The following SDSL variants were observed in gnomAD, a reference collection of about 807,000 sequenced individuals.
SDSL encodes serine dehydratase like, also known as serine dehydratase-like.
Under a neutral mutation model 27.6 loss-of-function variants are expected in SDSL, and 26 were observed. That is an observed-to-expected ratio of 0.94 (90% CI 0.69 to 1.31). SDSL has a LOEUF of 1.31. Among genes scored for constraint, SDSL ranks in the 50% most tolerant of loss-of-function variants. The pLI, the probability that SDSL is intolerant of heterozygous loss-of-function variation, is 0.00. For missense variants in SDSL, 431 were observed against 423.5 expected (o/e 1.02, Z -0.16); for synonymous variants, 196 against 180.6 (o/e 1.09, Z -0.69).
Position 113,428,025 on chromosome 12 carries a change from C to T in SDSL, c.43C>T (p.His15Tyr). Residue 15 changes from histidine to tyrosine, a missense_variant, in exon 2 of 8, where the codon CAC (histidine) becomes TAC (tyrosine). By Grantham distance (83) the His-to-Tyr change is moderately conservative (BLOSUM62 2). Coordinates refer to ENST00000403593, the MANE Select transcript of SDSL (RefSeq NM_001304993.2). Reference protein sequence around the residue: ...VAEHAKQEPFHVVTPLLESWA... With the variant: ...VAEHAKQEPFYVVTPLLESWA... ...AGAGCATGCCAAGCAGGAGCCCTTT[C>T]ACGTGGTCACACCTCTGTTGGAGAG... The T allele has an allele frequency of 6.2e-7, 1 of 1,613,738 alleles. No individual in the cohort carries two copies. The highest frequency in any genetic ancestry group is 8.5e-7 in the Non-Finnish European group (1 of 1,179,878).
chr12:113,432,278 TTCTTTCTTTCTTTCTC>T lies in SDSL; in HGVS notation c.355-1852_355-1837del, dbSNP rs1173890215. ...TTTCTTTCTTTCTTTCTTTCTTTCT[TTCTTTCTTTCTTTCTC>T]TCTCTCTCTTTCTGTCTCTCTGTCT... On this transcript the variant is annotated intron_variant, in intron 4 of 7. Transcript: ENST00000403593. 2.6e-3 allele frequency among the ~76,000 whole-genome samples: 195 copies of T among 73,624 alleles called. 5 individuals carry two copies. The highest frequency in any genetic ancestry group is 8.7e-3 in the African/African-American group (169 of 19,372). The allele number at this position is 73,624 out of a possible 152,430, so 48.3% of individuals were successfully genotyped here. A position where few individuals can be genotyped will look rare whatever the true frequency, so the allele number is the denominator to read the frequency against.
chr12:113,436,710 G>A lies in SDSL; in HGVS notation c.672-41G>A, dbSNP rs768554878. The A allele has an allele frequency of 7.8e-6, 12 of 1,532,184 alleles. No homozygotes were observed. The Admixed American group carries it at 7.9e-5, about 10-fold the overall frequency. 94.9% of individuals were successfully genotyped at this position (1,532,184 alleles called of 1,614,324 possible). A position where few individuals can be genotyped will look rare whatever the true frequency, so the allele number is the denominator to read the frequency against. On this transcript the variant is annotated intron_variant, in intron 6 of 7. Transcript: ENST00000403593. ...AGACCTGTTTCACCAGCTCTTCCCT[G>A]AGCCCCTGGTCTCCCTGCCCCACCC...
chr12:113,427,225 C>T (rs1957860845), intron 1 of SDSL: 1 of 152,398 alleles, frequency 6.6e-6, no homozygotes, highest in Non-Finnish European at 1.5e-5. Flanking sequence ...TCTCCTGCCT[C>T]AGCCTTCTGA....
chr12:113,430,249 T>G (rs1429547019), intron 4 of SDSL, among the ~76,000 whole-genome samples: 1 of 151,912 alleles, frequency 6.6e-6, no homozygotes, highest in Non-Finnish European at 1.5e-5. Flanking sequence ...ACTCATAAAT[T>G]TGAGATTATT....
intron 1 of SDSL, among the ~76,000 whole-genome samples, chr12:113,423,524 C>A (rs777398205): frequency 2.6e-5 from 4 of 152,124 alleles, no homozygotes; most frequent in African/African-American, 7.2e-5. Context: ...AAGAGATTTA[C>A]CTGAGGCCAG....
chr12:113,436,538 C>A (rs1269044853), intron 6 of SDSL, among the ~76,000 whole-genome samples: 1 of 152,184 alleles, frequency 6.6e-6, no homozygotes, highest in Non-Finnish European at 1.5e-5. Context: ...ATCTGCCCAC[C>A]TTGGCCTCCC....
intron 1 of SDSL, among the ~76,000 whole-genome samples, chr12:113,427,524 A>G (rs1202855549): frequency 6.6e-6 from 1 of 152,266 alleles, no homozygotes; most frequent in Non-Finnish European, 1.5e-5. Context: ...TGCTTTTGCT[A>G]AAATAACACC....
chr12:113,435,014 C>G (rs1238038672), intron 5 of SDSL, among the ~76,000 whole-genome samples: 1 of 152,176 alleles, frequency 6.6e-6, no homozygotes, highest in Non-Finnish European at 1.5e-5. Context: ...ACTCGGGAGG[C>G]TGAGGCAGGA....
intron 4 of SDSL, among the ~76,000 whole-genome samples, chr12:113,431,596 C>G (rs1211367127): frequency 6.8e-6 from 1 of 147,424 alleles, no homozygotes; most frequent in Non-Finnish European, 1.5e-5. Flanking sequence ...TTTTTTGAGA[C>G]AGAGTCTTAT....
chr12:113,426,692 G>C (rs965798776), intron 1 of SDSL, among the ~76,000 whole-genome samples: 1 of 152,122 alleles, frequency 6.6e-6, no homozygotes, highest in African/African-American at 2.4e-5. Context: ...AATCCCAGCA[G>C]TTTGGGAGGC....
At chr12:113,437,786 TG>T in intron 7 of SDSL, 99 bp from the exon 8 acceptor site, 1 of 1,075,944 alleles carries the variant, frequency 9.3e-7, no homozygotes, top group Non-Finnish European at 1.3e-6. Context: ...GCTGACTGGC[TG>T]GAGAGATGGC....
At position 113,438,093 on chromosome 12, in the gene SDSL, G is replaced by T. The variant is rs755749501; in HGVS notation, c.*14G>T. On this transcript the variant is annotated 3_prime_UTR_variant, in exon 8 of 8. Coordinates refer to ENST00000403593, the MANE Select transcript of SDSL (RefSeq NM_001304993.2). ...GGCCAGGTCTGAGGGGTCCCATCCT[G>T]GCCCCAAAGACCCCTGAGAGGCCCA... The T allele has an allele frequency of 1.1e-5, 18 of 1,606,968 alleles. No individual in the cohort carries two copies. The highest frequency in any genetic ancestry group is 1.5e-5 in the Non-Finnish European group (18 of 1,176,424).
chr12:113,437,926 C>A lies in SDSL; in HGVS notation c.837C>A (p.Ala279=). ...RMLVEPACGA[A]LAAIYSGLLR... is the part of the protein sequence containing the mutation. ...TGGTGGAGCCTGCCTGTGGGGCAGC[C>A]TTAGCAGCCATCTACTCAGGCCTCC... The change falls in exon 8 of 8, where the codon GCC becomes GCA. Residue 279 remains alanine (A), a synonymous_variant. Coordinates refer to ENST00000403593, the MANE Select transcript of SDSL (RefSeq NM_001304993.2). 1 of 1,613,286 alleles carries A rather than the reference C, an allele frequency of 6.2e-7. No homozygotes were observed. The highest frequency in any genetic ancestry group is 1.1e-5 in the South Asian group (1 of 90,958).
At chr12:113,423,359 G>C (rs1479810739) in intron 1 of SDSL, among the ~76,000 whole-genome samples, 1 of 152,218 alleles carries the variant, frequency 6.6e-6, no homozygotes, top group Admixed American at 6.5e-5. Flanking sequence ...TGGCTATGCT[G>C]TTTCTAACTG....
chr12:113,435,651 C>G, intron 6 of SDSL, 95 bp downstream of exon 6: 1 of 1,033,094 alleles, frequency 9.7e-7, no homozygotes, highest in Admixed American at 2.3e-5. Context: ...CGGGGGCACC[C>G]AAAAGGCTGT....
chr12:113,430,449 C>A (rs1957907755), intron 4 of SDSL, among the ~76,000 whole-genome samples: 1 of 152,122 alleles, frequency 6.6e-6, no homozygotes, highest in Non-Finnish European at 1.5e-5. Flanking sequence ...GTTTCCGATG[C>A]TTTGGGTCTG....
At chr12:113,428,324 A>G (rs1479242291) in intron 2 of SDSL, 96 bp from the exon 3 acceptor site, 2 of 1,364,866 alleles carry the variant, frequency 1.5e-6, no homozygotes, top group Non-Finnish European at 2.0e-6. Flanking sequence ...GTAAAGGCGT[A>G]TTGGGAGTGG....
intron 4 of SDSL, among the ~76,000 whole-genome samples, chr12:113,432,918 T>C (rs866014278): frequency 3.3e-4 from 51 of 152,336 alleles, no homozygotes; most frequent in Middle Eastern, 3.4e-3. Flanking sequence ...CAATCCACCA[T>C]TGATGGGCAC....
Position 113,434,201 on chromosome 12 carries a change from C to T in SDSL, c.422C>T (p.Pro141Leu), listed in dbSNP as rs781538786. 2.7e-5 allele frequency: 43 copies of T among 1,613,190 alleles called. No individual in the cohort carries two copies. The highest frequency in any genetic ancestry group is 1.6e-4 in the Middle Eastern group (1 of 6,076). Residue 141 changes from proline to leucine, a missense_variant, in exon 5 of 8, where the codon CCG becomes CTG. Transcript: ENST00000403593. ...AGGGACGGCTGGGAGAATGTCCCCC[C>T]GTTTGACCACCCCCTAATATGGTAA... ...AKRDGWENVP[P>L]FDHPLIWKGH...
Sources: gnomAD v4.1 joint callset for allele counts (sites outside exome capture counted in the v4.1 genomes callset) on GRCh38, gnomAD v4.1.1 for gene constraint, MANE v1.5 for transcripts, NCBI Gene and HGNC (gene_info 2026-07-23, HGNC 2026-07-21) for gene names.